The following ARHGEF18 variants were observed in gnomAD, a reference collection of about 807,000 sequenced individuals.
The protein encoded by ARHGEF18 is rho guanine nucleotide exchange factor 18.
Under a neutral mutation model 155.7 loss-of-function variants are expected in ARHGEF18, and 93 were observed. The ratio of observed to expected loss-of-function variants is 0.60; its 90% CI spans 0.50 to 0.71. ARHGEF18 has a LOEUF of 0.71. ARHGEF18 is among the 30% of genes least tolerant of loss of function. The pLI is 0.00. For missense variants in ARHGEF18, 1,593 were observed against 1,816.1 expected (o/e 0.88, Z 2.23); for synonymous variants, 742 against 753.1 (o/e 0.99, Z 0.24).
chr19:7,454,691 C>T (rs995507158), intron 17 of ARHGEF18, among the ~76,000 whole-genome samples: 1 of 152,154 alleles, frequency 6.6e-6, no homozygotes, highest in African/African-American at 2.4e-5. Flanking sequence ...GTATCACCGT[C>T]CTCCTCCTCT....
chr19:7,439,282 C>CCG (rs1469812262), intron 10 of ARHGEF18, among the ~76,000 whole-genome samples: 1 of 147,958 alleles, frequency 6.8e-6, no homozygotes, highest in East Asian at 2.0e-4. Flanking sequence ...ATAGTGAGAC[C>CCG]CCCCCCCAAC....
At chr19:7,416,561 G>A (rs1271182588) in intron 10 of ARHGEF18, among the ~76,000 whole-genome samples, 6 of 148,582 alleles carry the variant, frequency 4.0e-5, no homozygotes, top group African/African-American at 1.5e-4. Context: ...GTGTGTGTGT[G>A]TGTGTGTGTG....
intron 1 of ARHGEF18, among the ~76,000 whole-genome samples, chr19:7,360,696 C>G (rs1969510676): frequency 1.3e-5 from 2 of 152,236 alleles, no homozygotes; most frequent in Non-Finnish European, 2.9e-5. Flanking sequence ...CCTAAGGGGA[C>G]TTGGCTGAGG....
intron 10 of ARHGEF18, among the ~76,000 whole-genome samples, chr19:7,394,359 T>A (rs1056249038): frequency 2.0e-5 from 3 of 152,030 alleles, no homozygotes; most frequent in African/African-American, 4.8e-5. Flanking sequence ...TGATGCTGCT[T>A]CTTTTTTCTC....
chr19:7,466,970 C>G lies in ARHGEF18; in HGVS notation c.2957C>G (p.Ser986Trp), dbSNP rs114123358. ...CCCCGTCTGCCCACCGTCCTGGAGT[C>G]GGAGGTAGGCGCCCGCGGGTCTCCA... is the stretch of plus-strand genomic sequence containing the variant. ...SDPRLPTVLE[S>W]ELVQRIQTLS... Residue 986 changes from serine to tryptophan, a missense_variant, in exon 24 of 29, where the codon TCG becomes TGG. Transcript: ENST00000668164. 1 of 1,613,336 alleles carries G rather than the reference C, an allele frequency of 6.2e-7. No individual in the cohort carries two copies. The highest frequency in any genetic ancestry group is 2.2e-5 in the East Asian group (1 of 44,876).
Position 7,453,690 on chromosome 19 carries a change from G to A in ARHGEF18, c.2079G>A (p.Trp693Ter). The change falls in exon 17 of 29, where the codon TGG becomes TGA. Residue 693 changes from tryptophan to a stop codon, truncating the protein, a stop_gained. Transcript: ENST00000668164. LOFTEE classifies it high-confidence loss of function. ...RQLHLEGMLC[W>*]KTTSGRLKDI... ...TCCACCTGGAGGGCATGCTATGCTG[G>A]AAGACCACATCAGGGCGCTTGAAAG... 2.5e-6 allele frequency: 4 copies of A among 1,588,810 alleles called. No individual in the cohort carries two copies. The highest frequency in any genetic ancestry group is 3.4e-6 in the Non-Finnish European group (4 of 1,164,892).
Position 7,462,084 on chromosome 19 carries a change from C to CAT in ARHGEF18, c.2453-68_2453-67insAT. 6.3e-7 allele frequency: 1 copy of CAT among 1,599,990 alleles called. No homozygotes were observed. Among genetic ancestry groups the CAT allele is most frequent in the South Asian group, 1.1e-5 (1 of 90,150 alleles). ...CGGGGTTCCTCATCCTTAGGCCAGT[C>CAT]CCCGGGGCTCAGATGATTCCAGGGA... On this transcript the variant is annotated intron_variant, in intron 20 of 28. Coordinates refer to ENST00000668164, the MANE Select transcript of ARHGEF18 (RefSeq NM_001367823.1). The surrounding 1 kb of genome is among the most constrained non-coding windows in gnomAD (Gnocchi z 4.4).
intron 10 of ARHGEF18, among the ~76,000 whole-genome samples, chr19:7,404,985 G>T (rs1972225902): frequency 6.6e-6 from 1 of 151,604 alleles, no homozygotes; most frequent in South Asian, 2.1e-4. Context: ...TTTTTGAGAT[G>T]GAGTCTCACT....
At chr19:7,461,820 C>G (rs1227681627) in intron 20 of ARHGEF18, among the ~76,000 whole-genome samples, 1 of 152,088 alleles carries the variant, frequency 6.6e-6, no homozygotes, top group African/African-American at 2.4e-5. Context: ...CCACAACCAG[C>G]TAATTTTTTA....
intron 1 of ARHGEF18, among the ~76,000 whole-genome samples, chr19:7,360,305 A>G (rs916431963): frequency 3.3e-5 from 5 of 150,830 alleles, no homozygotes; most frequent in African/African-American, 1.2e-4. Flanking sequence ...GCACAATCTC[A>G]GTTCACTGCA....
At chr19:7,438,942 C>T (rs1171047658) in intron 10 of ARHGEF18, among the ~76,000 whole-genome samples, 3 of 151,578 alleles carry the variant, frequency 2.0e-5, no homozygotes, top group East Asian at 2.0e-4. Context: ...GCGCAATCTC[C>T]GCTCACTGCA....
chr19:7,436,756 T>C (rs1405714591), intron 10 of ARHGEF18, among the ~76,000 whole-genome samples: 1 of 152,196 alleles, frequency 6.6e-6, no homozygotes, highest in Non-Finnish European at 1.5e-5. Context: ...CATAATTGCC[T>C]GGGTGGAGTT....
intron 10 of ARHGEF18, among the ~76,000 whole-genome samples, chr19:7,404,034 T>C (rs2432100): frequency 0.16 from 23,755 of 150,574 alleles, 3,947 homozygotes; most frequent in African/African-American, 0.42. Context: ...AGCCAGTGCA[T>C]GTCAGCCTGG....
chr19:7,440,563 C>T lies in ARHGEF18; in HGVS notation c.1106+81C>T. On this transcript the variant is annotated intron_variant, in intron 11 of 28. Transcript: ENST00000668164. The surrounding 1 kb of genome is among the most constrained non-coding windows in gnomAD (Gnocchi z 5.4). ...TGTTGACAGCCTCTTCGGAGGGAGA[C>T]CCCGACTTAGATCTGTGTGAATCCA... is the stretch of plus-strand genomic sequence containing the variant. 2 of 1,475,660 alleles carry T rather than the reference C, an allele frequency of 1.4e-6. No individual in the cohort carries two copies. Among genetic ancestry groups the T allele is most frequent in the Non-Finnish European group, 1.8e-6 (2 of 1,103,452 alleles). The allele number at this position is 1,475,660 out of a possible 1,614,324, so 91.4% of individuals were successfully genotyped here.
chr19:7,349,774 G>A (rs541462944), intron 1 of ARHGEF18, among the ~76,000 whole-genome samples: 30 of 152,090 alleles, frequency 2.0e-4, no homozygotes, highest in Non-Finnish European at 2.6e-4. Flanking sequence ...AAGAAAGGAC[G>A]ATAGAGCTCC....
chr19:7,445,109 T>A (rs1354277783), intron 14 of ARHGEF18, among the ~76,000 whole-genome samples: 1 of 152,124 alleles, frequency 6.6e-6, no homozygotes, highest in Non-Finnish European at 1.5e-5. Context: ...GGTTGGTTGG[T>A]TTTTGGTTTT....
At chr19:7,460,515 A>G (rs1976153320) in intron 20 of ARHGEF18, among the ~76,000 whole-genome samples, 1 of 151,522 alleles carries the variant, frequency 6.6e-6, no homozygotes, top group African/African-American at 2.4e-5. Flanking sequence ...CCACCACCCC[A>G]GAAAGAAGCC....
intron 8 of ARHGEF18, among the ~76,000 whole-genome samples, chr19:7,381,381 C>T (rs1452694437): frequency 2.6e-5 from 4 of 152,022 alleles, no homozygotes; most frequent in East Asian, 3.9e-4. Context: ...ACACTTTATC[C>T]GAAACAGCAG....
the ARHGEF18 span, among the ~76,000 whole-genome samples, chr19:7,477,606 A>AC: frequency 5.3e-5 from 8 of 150,490 alleles, no homozygotes; most frequent in East Asian, 3.9e-4. Flanking sequence ...AGTCCCCATC[A>AC]CCCCCCCGAC....
Sources: gnomAD v4.1 joint callset for allele counts (sites outside exome capture counted in the v4.1 genomes callset) on GRCh38, gnomAD v4.1.1 for gene constraint, Gnocchi (gnomAD v3.1) non-coding constraint, MANE v1.5 for transcripts, NCBI Gene and HGNC (gene_info 2026-07-23, HGNC 2026-07-21) for gene names.